MRRF: variants seen among roughly 807,000 people sequenced by gnomAD.
The protein encoded by MRRF is ribosome-recycling factor, mitochondrial.
Under a neutral mutation model 25.1 loss-of-function variants are expected in MRRF, and 18 were observed. The ratio of observed to expected loss-of-function variants is 0.72; its 90% confidence interval spans 0.50 to 1.06. MRRF has a LOEUF of 1.06. Ranked by LOEUF, MRRF falls within the 50% of genes least tolerant of loss-of-function variation. MRRF has a pLI of 0.00. For missense variants in MRRF, 323 were observed against 319.3 expected, an observed-to-expected ratio of 1.01 and a Z score of -0.09; for synonymous variants, 113 against 112.1, an observed-to-expected ratio of 1.01 and a Z score of -0.05.
intron 6 of MRRF, among the ~76,000 whole-genome samples, chr9:122,320,119 C>A (rs1016853720): frequency 6.6e-6 from 1 of 151,958 alleles, no homozygotes. Context: ...AGTGATCCTC[C>A]CACCTCAGCC....
chr9:122,287,880 C>T (rs764548852), intron 4 of MRRF, among the ~76,000 whole-genome samples: 1 of 152,192 alleles, frequency 6.6e-6, no homozygotes, highest in Non-Finnish European at 1.5e-5. Context: ...ATAGCTCTAA[C>T]TAAAGATTTC....
At chr9:122,286,180 C>T in intron 4 of MRRF, 1 of 1,288,436 alleles carries the variant, frequency 7.8e-7, no homozygotes, top group Non-Finnish European at 1.0e-6. Context: ...AAGGAATCCT[C>T]CTGTTCTTAT....
intron 5 of MRRF, among the ~76,000 whole-genome samples, chr9:122,305,834 T>C (rs1459653600): frequency 6.6e-6 from 1 of 152,246 alleles, no homozygotes; most frequent in Non-Finnish European, 1.5e-5. Flanking sequence ...GTCAGTTTTG[T>C]TCATTGCTGT....
rs552127712 is a variant in MRRF at position 122,294,359 on chromosome 9, G to T, written c.551+2519G>T. On this transcript the variant is annotated intron_variant, in intron 5 of 6. Transcript: ENST00000344641. Reference sequence around the variant, plus strand: ...AGTAAATGATCACTGTCGGTGCATTGTATGTAAGTTTGAAAGATCAGTGAG... The same window carrying T: ...AGTAAATGATCACTGTCGGTGCATTTTATGTAAGTTTGAAAGATCAGTGAG... Among the ~76,000 whole-genome samples the T allele has an allele frequency of 8.1e-4, 124 of 152,308 alleles. 1 individual carries two copies. In the South Asian group the frequency reaches 0.012, roughly 15 times the overall value.
chr9:122,327,963 T>G lies in MRRF; in HGVS notation c.*5346T>G, dbSNP rs1447629926. Reference sequence around the variant, plus strand: ...TTAATTGTAAAATATACATAAAATTTACTCTCTTAACCATGTTTTTTTTTT... The same window carrying G: ...TTAATTGTAAAATATACATAAAATTGACTCTCTTAACCATGTTTTTTTTTT... On this transcript the variant is annotated 3_prime_UTR_variant, in exon 7 of 7. Coordinates refer to ENST00000344641, the MANE Select transcript of MRRF (RefSeq NM_138777.5). 6.6e-6 allele frequency: 1 copy of G among 152,094 alleles called. No individual in the cohort carries two copies. Among genetic ancestry groups the G allele is most frequent in the Non-Finnish European group, 1.5e-5 (1 of 68,024 alleles). The allele number at this position is 152,094 out of a possible 1,614,324, so 9.4% of individuals were successfully genotyped here. A position where few individuals can be genotyped will look rare whatever the true frequency, so the allele number is the denominator to read the frequency against.
intron 1 of MRRF, among the ~76,000 whole-genome samples, chr9:122,268,894 G>A (rs757401176): frequency 6.6e-5 from 10 of 152,070 alleles, no homozygotes; most frequent in South Asian, 6.2e-4. Context: ...GGCCGGGTGC[G>A]GTGGCTCACG....
Position 122,307,141 on chromosome 9 carries a change from G to A in MRRF, c.552-6086G>A, listed in dbSNP as rs539514106. 4.6e-5 allele frequency among the ~76,000 whole-genome samples: 7 copies of A among 152,252 alleles called. No homozygotes were observed. In the South Asian group the frequency reaches 6.2e-4, roughly 14 times the overall value. On this transcript the variant is annotated intron_variant, in intron 5 of 6. Transcript: ENST00000344641. ...AAACAAAAACATTTCCGTCAGGACCGGCAGCCCCAAGGCATGGGGCAGCTC... is the reference window on the plus strand; with the variant it reads ...AAACAAAAACATTTCCGTCAGGACCAGCAGCCCCAAGGCATGGGGCAGCTC...
At chr9:122,297,975 A>G (rs955759375) in intron 5 of MRRF, among the ~76,000 whole-genome samples, 1 of 152,182 alleles carries the variant, frequency 6.6e-6, no homozygotes, top group Non-Finnish European at 1.5e-5. Flanking sequence ...TACTGAGTGC[A>G]TACTGTATTC....
rs1301530512 is a variant in MRRF, at chr9:122,325,922, C to G, written c.*3305C>G. The G allele has an allele frequency of 3.3e-5, 5 of 151,436 alleles. No individual in the cohort carries two copies. Among genetic ancestry groups the G allele is most frequent in the Non-Finnish European group, 7.4e-5 (5 of 67,956 alleles). The allele number at this position is 151,436 out of a possible 1,614,324, so 9.4% of individuals were successfully genotyped here. A position where few individuals can be genotyped will look rare whatever the true frequency, so the allele number is the denominator to read the frequency against. Reference sequence around the variant, plus strand: ...GCAGCCTTGAACTCTTTGGCTCATGCAATTCTCCCACCTCAGCCTCCTGAG... The same window carrying G: ...GCAGCCTTGAACTCTTTGGCTCATGGAATTCTCCCACCTCAGCCTCCTGAG... On this transcript the variant is annotated 3_prime_UTR_variant, in exon 7 of 7. Coordinates refer to ENST00000344641, the MANE Select transcript of MRRF (RefSeq NM_138777.5).
intron 5 of MRRF, among the ~76,000 whole-genome samples, chr9:122,293,898 C>T (rs1440041164): frequency 1.3e-5 from 2 of 152,058 alleles, no homozygotes; most frequent in Non-Finnish European, 2.9e-5. Flanking sequence ...AGGGACTTGC[C>T]CGAGATCACA....
intron 5 of MRRF, among the ~76,000 whole-genome samples, chr9:122,296,664 C>T (rs1161768080): frequency 6.6e-6 from 1 of 152,184 alleles, no homozygotes; most frequent in East Asian, 1.9e-4. Context: ...TAATCAGGGG[C>T]CCTGAAAAGT....
At chr9:122,311,107 A>C (rs1038796110) in intron 5 of MRRF, among the ~76,000 whole-genome samples, 1 of 152,202 alleles carries the variant, frequency 6.6e-6, no homozygotes, top group Non-Finnish European at 1.5e-5. Flanking sequence ...TTTTAGAGAT[A>C]AGGAAACTGA....
chr9:122,312,771 T>G (rs1287964216), intron 5 of MRRF, among the ~76,000 whole-genome samples: 1 of 152,224 alleles, frequency 6.6e-6, no homozygotes, highest in East Asian at 1.9e-4. Context: ...CCAGCCTCTT[T>G]TCTTGTCACT....
intron 3 of MRRF, among the ~76,000 whole-genome samples, chr9:122,282,882 A>G (rs949910235): frequency 6.6e-6 from 1 of 152,188 alleles, no homozygotes; most frequent in African/African-American, 2.4e-5. Flanking sequence ...TGAACAGAGA[A>G]GAGTGTTCTC....
chr9:122,267,117 G>A (rs1296239844), intron 1 of MRRF, among the ~76,000 whole-genome samples: 1 of 149,428 alleles, frequency 6.7e-6, no homozygotes, highest in Non-Finnish European at 1.5e-5. Context: ...AGTGGCTCAC[G>A]CCGGTAATCC....
At chr9:122,279,826 T>C (rs1345403560) in intron 2 of MRRF, among the ~76,000 whole-genome samples, 1 of 152,214 alleles carries the variant, frequency 6.6e-6, no homozygotes, top group Admixed American at 6.5e-5. Context: ...CATATCCTTG[T>C]CTTAGTGTCC....
intron 6 of MRRF, among the ~76,000 whole-genome samples, chr9:122,318,248 A>G (rs1835662954): frequency 6.7e-6 from 1 of 148,466 alleles, no homozygotes; most frequent in African/African-American, 2.6e-5. Context: ...CCCAACCCGC[A>G]TTCCAGGCAA....
chr9:122,274,141 T>C (rs1187997968), intron 2 of MRRF, among the ~76,000 whole-genome samples: 3 of 152,224 alleles, frequency 2.0e-5, no homozygotes, highest in Non-Finnish European at 4.4e-5. Flanking sequence ...CTGGTGATAA[T>C]AGGCATCTTT....
chr9:122,297,375 T>C (rs867388995), intron 5 of MRRF, among the ~76,000 whole-genome samples: 1 of 152,182 alleles, frequency 6.6e-6, no homozygotes, highest in African/African-American at 2.4e-5. Context: ...CTTGATTTTC[T>C]AGATTTTTTC....
Sources: gnomAD v4.1 joint callset for allele counts (sites outside exome capture counted in the v4.1 genomes callset) on GRCh38, gnomAD v4.1.1 for gene constraint, MANE v1.5 for transcripts, NCBI Gene and HGNC (gene_info 2026-07-23, HGNC 2026-07-21) for gene names.